The following PDE11A variants were observed in gnomAD, a reference collection of about 807,000 sequenced individuals.
PDE11A encodes the protein dual 3',5'-cyclic-AMP and -GMP phosphodiesterase 11A.
In PDE11A, 100 loss-of-function variants were observed where a neutral mutation model predicts 100.5. The ratio of observed to expected loss-of-function variants is 1.00; its 90% CI spans 0.85 to 1.18. PDE11A has a LOEUF of 1.18. PDE11A is among the 50% of genes most tolerant of loss of function. PDE11A has a pLI of 0.00. For missense variants in PDE11A, 1,141 were observed against 1,152.6 expected, an observed-to-expected ratio of 0.99 and a Z score of 0.15; for synonymous variants, 381 against 420.8, an observed-to-expected ratio of 0.91 and a Z score of 1.16.
chr2:177,945,160 C>T (rs972144740), intron 2 of PDE11A, among the ~76,000 whole-genome samples: 9 of 151,288 alleles, frequency 5.9e-5, no homozygotes, highest in Non-Finnish European at 8.9e-5. Flanking sequence ...GGCGTGGTCT[C>T]GGCTCACTAC....
In PDE11A at chr2:177,625,496, G is replaced by T. The variant is rs184839242; in HGVS notation, c.*3911C>A. Reference sequence around the variant, plus strand: ...TACCCACCAGGATTGCCACTACATTGTAGATTGTGCACATAATAGCTACAT... The same window carrying T: ...TACCCACCAGGATTGCCACTACATTTTAGATTGTGCACATAATAGCTACAT... On this transcript the variant is annotated 3_prime_UTR_variant, in exon 20 of 20. Transcript: ENST00000286063. 2.4e-3 allele frequency: 370 copies of T among 152,534 alleles called. No individual in the cohort carries two copies. The highest frequency in any genetic ancestry group is 3.0e-3 in the Non-Finnish European group (202 of 68,028). The allele number at this position is 152,534 out of a possible 1,614,324, so 9.4% of individuals were successfully genotyped here.
At chr2:177,918,389 T>C (rs769541167) in intron 2 of PDE11A, among the ~76,000 whole-genome samples, 8 of 152,234 alleles carry the variant, frequency 5.3e-5, no homozygotes, top group Non-Finnish European at 1.0e-4. Flanking sequence ...TTCAGCTATT[T>C]ATTTTGAGGG....
At chr2:177,792,943 G>C (rs942726238) in intron 9 of PDE11A, among the ~76,000 whole-genome samples, 3 of 152,200 alleles carry the variant, frequency 2.0e-5, no homozygotes, top group African/African-American at 7.2e-5. Flanking sequence ...CATGGGAGGA[G>C]GTGGGAAGAA....
At chr2:177,801,239 T>G (rs542518981) in intron 9 of PDE11A, among the ~76,000 whole-genome samples, 146 of 152,326 alleles carry the variant, frequency 9.6e-4, no homozygotes, top group African/African-American at 3.3e-3. Context: ...TATTAAAACA[T>G]CCTGCTTTAT....
intron 2 of PDE11A, among the ~76,000 whole-genome samples, chr2:177,970,881 GGGA>G (rs2085760804): frequency 6.6e-6 from 1 of 152,168 alleles, no homozygotes; most frequent in Admixed American, 6.5e-5. Context: ...TAGCAGTCAG[GGGA>G]GGAGTTTCAG....
chr2:177,794,466 G>A (rs1042752538), intron 9 of PDE11A, among the ~76,000 whole-genome samples: 10 of 152,146 alleles, frequency 6.6e-5, no homozygotes, highest in African/African-American at 2.2e-4. Flanking sequence ...AGTAAGTGTA[G>A]GCACTTGCTG....
At chr2:177,764,985 C>T (rs76114413) in intron 10 of PDE11A, among the ~76,000 whole-genome samples, 2,377 of 152,268 alleles carry the variant, frequency 0.016, 60 homozygotes, top group African/African-American at 0.054. Flanking sequence ...GAAAAATAAA[C>T]CCAAATTCTG....
chr2:177,746,777 T>C (rs2081954653), intron 10 of PDE11A, among the ~76,000 whole-genome samples: 1 of 152,142 alleles, frequency 6.6e-6, no homozygotes, highest in South Asian at 2.1e-4. Flanking sequence ...CAAGTAAGCC[T>C]GAACAGAGAC....
At chr2:177,709,020 A>T (rs2081320655) in intron 13 of PDE11A, among the ~76,000 whole-genome samples, 1 of 152,142 alleles carries the variant, frequency 6.6e-6, no homozygotes. Context: ...GAAACAGCAT[A>T]TTGGGCAGCA....
At chr2:177,699,808 T>C (rs938433060) in intron 14 of PDE11A, among the ~76,000 whole-genome samples, 3 of 152,182 alleles carry the variant, frequency 2.0e-5, no homozygotes, top group African/African-American at 4.8e-5. Context: ...GGTTCCGTCA[T>C]TGATAGTCTC....
At chr2:177,969,159 AAC>A (rs2085737083) in intron 2 of PDE11A, among the ~76,000 whole-genome samples, 1 of 152,194 alleles carries the variant, frequency 6.6e-6, no homozygotes, top group African/African-American at 2.4e-5. Flanking sequence ...TCAGCGAACT[AAC>A]ACAGGAACAG....
chr2:177,784,229 A>G (rs1574137818), intron 9 of PDE11A, among the ~76,000 whole-genome samples: 1 of 81,068 alleles, frequency 1.2e-5, no homozygotes, highest in Non-Finnish European at 2.6e-5. Context: ...GGATGTGGTA[A>G]AGAAGTCTGC....
chr2:177,667,956 C>T (rs960790766), intron 18 of PDE11A, among the ~76,000 whole-genome samples: 1 of 152,166 alleles, frequency 6.6e-6, no homozygotes, highest in East Asian at 1.9e-4. Flanking sequence ...ATAATGGGCA[C>T]AGCAGCTGTC....
At chr2:177,680,924 G>GA in intron 15 of PDE11A, 21 bp from the exon 16 acceptor site, 2 of 1,361,012 alleles carry the variant, frequency 1.5e-6, no homozygotes, top group East Asian at 2.3e-5. Flanking sequence ...ATCAAATGAA[G>GA]AAAGAAAGAA....
intron 1 of PDE11A, among the ~76,000 whole-genome samples, chr2:178,032,432 C>T (rs1282280768): frequency 6.6e-6 from 1 of 150,884 alleles, no homozygotes; most frequent in Non-Finnish European, 1.5e-5. Context: ...TGCAGTGAAC[C>T]AAGATCGCAT....
intron 4 of PDE11A, among the ~76,000 whole-genome samples, chr2:177,893,288 T>C (rs2084558763): frequency 6.6e-6 from 1 of 152,198 alleles, no homozygotes; most frequent in Non-Finnish European, 1.5e-5. Context: ...ATATTATTTA[T>C]TTATTCATCT....
chr2:177,840,182 T>A (rs1379708167), intron 6 of PDE11A, 69 bp downstream of exon 6: 1 of 1,494,316 alleles, frequency 6.7e-7, no homozygotes, highest in Non-Finnish European at 9.3e-7. Flanking sequence ...TATTCCTTTT[T>A]GTGTTTCAAC....
At chr2:177,765,792 T>C (rs141910695) in intron 10 of PDE11A, among the ~76,000 whole-genome samples, 10 of 152,352 alleles carry the variant, frequency 6.6e-5, no homozygotes, top group Non-Finnish European at 1.3e-4. Context: ...CTGAGGTCCA[T>C]GGCCTTAACT....
chr2:177,685,253 G>A (rs1246570917), intron 15 of PDE11A, among the ~76,000 whole-genome samples: 1 of 152,162 alleles, frequency 6.6e-6, no homozygotes. Flanking sequence ...TTTTCTAGGG[G>A]CTTCACAGTT....
Sources: allele counts gnomAD v4.1 joint callset (sites outside exome capture counted in the v4.1 genomes callset), GRCh38; gene constraint gnomAD v4.1.1; transcripts MANE v1.5; gene names NCBI Gene and HGNC (gene_info 2026-07-23, HGNC 2026-07-21).